The following FAM171B variants were observed in gnomAD, a reference collection of about 807,000 sequenced individuals.
FAM171B encodes the protein family with sequence similarity 171 member B, also known as protein FAM171B.
Under a neutral mutation model 75.6 loss-of-function variants are expected in FAM171B, and 19 were observed. That is an observed-to-expected ratio of 0.25 (90% CI 0.18 to 0.37). The LOEUF (loss-of-function observed/expected upper bound fraction) is 0.37, where lower values mean the gene tolerates loss of function less well. FAM171B is among the 10% of genes least tolerant of loss of function. The pLI, the probability that FAM171B is intolerant of heterozygous loss-of-function variation, is 1.00. For synonymous variants in FAM171B, 367 were observed against 361.7 expected (o/e 1.01, Z -0.17); for missense variants, 848 against 982.4 (o/e 0.86, Z 1.83).
intron 1 of FAM171B, among the ~76,000 whole-genome samples, chr2:186,712,795 T>TA: frequency 6.6e-6 from 1 of 152,248 alleles, no homozygotes. Flanking sequence ...TCACTTTCGT[T>TA]TATTTGTTCA....
chr2:186,762,652 G>A lies in FAM171B; in HGVS notation c.2310G>A (p.Val770=). The A allele has an allele frequency of 6.2e-7, 1 of 1,613,324 alleles. No individual in the cohort carries two copies. The highest frequency in any genetic ancestry group is 8.5e-7 in the Non-Finnish European group (1 of 1,179,668). Residue 770 remains valine (V), a synonymous_variant, in exon 8 of 8, where the codon GTG becomes GTA. Coordinates refer to ENST00000304698, the MANE Select transcript of FAM171B (RefSeq NM_177454.4). The surrounding 1 kb of genome is among the most constrained non-coding windows in gnomAD (Gnocchi z 4.0). ...ACATCCTAGATGGAGGGAGTGGAGT[G>A]ATCATGGAGCACCCTGGAGAAGAGT... The part of the protein sequence containing the change: ...LRHILDGGSG[V]IMEHPGEESP...
At chr2:186,753,434 ACT>A (rs2105790709) in intron 5 of FAM171B, among the ~76,000 whole-genome samples, 1 of 152,358 alleles carries the variant, frequency 6.6e-6, no homozygotes, top group East Asian at 1.9e-4. Flanking sequence ...AAAATTTAGT[ACT>A]TTTTAATTTT....
At chr2:186,724,536 T>C (rs1690002633) in intron 1 of FAM171B, among the ~76,000 whole-genome samples, 1 of 152,202 alleles carries the variant, frequency 6.6e-6, no homozygotes, top group Non-Finnish European at 1.5e-5. Flanking sequence ...AAAGCATAAT[T>C]GTGAGTATAA....
chr2:186,703,979 G>A (rs1299215937), intron 1 of FAM171B, among the ~76,000 whole-genome samples: 1 of 152,102 alleles, frequency 6.6e-6, no homozygotes, highest in African/African-American at 2.4e-5. Flanking sequence ...TGATAAGGGT[G>A]TGTCATGCAA....
At chr2:186,731,322 A>G (rs1362005371) in intron 1 of FAM171B, among the ~76,000 whole-genome samples, 1 of 152,230 alleles carries the variant, frequency 6.6e-6, no homozygotes, top group Non-Finnish European at 1.5e-5. Flanking sequence ...TGCACAACCC[A>G]GCTTCTGGAA....
At position 186,764,729 on chromosome 2, in the gene FAM171B, G is replaced by A. The variant is rs921443457; in HGVS notation, c.*1906G>A. The A allele has an allele frequency of 6.6e-6, 1 of 151,484 alleles. No individual in the cohort carries two copies. The highest frequency in any genetic ancestry group is 6.6e-5 in the Admixed American group (1 of 15,162). The allele number at this position is 151,484 out of a possible 1,614,324, so 9.4% of individuals were successfully genotyped here. A position where few individuals can be genotyped will look rare whatever the true frequency, so the allele number is the denominator to read the frequency against. On this transcript the variant is annotated 3_prime_UTR_variant, in exon 8 of 8. Transcript: ENST00000304698. ...GTTTTATTAAAAATATAGACCTAGTGTTTCATGTTGGAACAATAAATATTG... is the reference window on the plus strand; with the variant it reads ...GTTTTATTAAAAATATAGACCTAGTATTTCATGTTGGAACAATAAATATTG...
chr2:186,725,021 C>A (rs116526642), intron 1 of FAM171B, among the ~76,000 whole-genome samples: 46 of 152,270 alleles, frequency 3.0e-4, no homozygotes, highest in African/African-American at 1.1e-3. Flanking sequence ...TCTTCTTAAC[C>A]TCTTTGTTCT....
At position 186,740,222 on chromosome 2, in the gene FAM171B, C is replaced by T. The variant is rs758229930; in HGVS notation, c.239-6C>T. ...CATGCTGCAATTTCTACCTTTTTCT[C>T]TCCAGTGTCTGTATTTATGTTGAAA... On this transcript the variant is annotated splice_region_variant and splice_polypyrimidine_tract_variant and intron_variant, in intron 1 of 7. Coordinates refer to ENST00000304698, the MANE Select transcript of FAM171B (RefSeq NM_177454.4). 1.6e-5 allele frequency: 26 copies of T among 1,607,640 alleles called. No individual in the cohort carries two copies. The highest frequency in any genetic ancestry group is 1.0e-5 in the Non-Finnish European group (12 of 1,174,732).
Position 186,762,070 on chromosome 2 carries a change from A to C in FAM171B, c.1728A>C (p.Pro576=), listed in dbSNP as rs762497897. The C allele has an allele frequency of 6.2e-7, 1 of 1,613,758 alleles. No individual in the cohort carries two copies. Among genetic ancestry groups the C allele is most frequent in the South Asian group, 1.1e-5 (1 of 91,072 alleles). The part of the protein sequence containing the change: ...GQLVYGQLME[P]VNRENFTQTL... ...TAGTCTATGGCCAATTGATGGAACC[A>C]GTAAATCGAGAGAACTTTACGCAGA... Residue 576 remains proline, a synonymous_variant, in exon 8 of 8, where the codon CCA becomes CCC. Transcript: ENST00000304698. The surrounding 1 kb of genome is among the most constrained non-coding windows in gnomAD (Gnocchi z 4.0).
At chr2:186,702,377 T>C (rs968744653) in intron 1 of FAM171B, among the ~76,000 whole-genome samples, 1 of 152,226 alleles carries the variant, frequency 6.6e-6, no homozygotes, top group Non-Finnish European at 1.5e-5. Context: ...TTGTCATATA[T>C]GTGGTCTGTT....
chr2:186,710,383 C>T (rs919152031), intron 1 of FAM171B, among the ~76,000 whole-genome samples: 1 of 152,188 alleles, frequency 6.6e-6, no homozygotes, highest in African/African-American at 2.4e-5. Flanking sequence ...ATCTGTTTAA[C>T]GAAAGATACT....
intron 1 of FAM171B, among the ~76,000 whole-genome samples, chr2:186,725,430 T>C (rs1690018897): frequency 6.6e-6 from 1 of 152,048 alleles, no homozygotes; most frequent in Admixed American, 6.5e-5. Flanking sequence ...GATAACTCAG[T>C]TTGTGCTGTT....
intron 1 of FAM171B, among the ~76,000 whole-genome samples, chr2:186,731,742 T>C (rs1018165157): frequency 6.6e-6 from 1 of 152,130 alleles, no homozygotes; most frequent in African/African-American, 2.4e-5. Context: ...TCAGTGAAGC[T>C]TCATCTATGT....
intron 1 of FAM171B, among the ~76,000 whole-genome samples, chr2:186,726,424 C>T (rs928542612): frequency 6.6e-6 from 1 of 151,988 alleles, no homozygotes; most frequent in Non-Finnish European, 1.5e-5. Flanking sequence ...CTTGTGTGTC[C>T]ATATTTGAAA....
At chr2:186,697,001 T>TGGAC (rs55792566) in intron 1 of FAM171B, among the ~76,000 whole-genome samples, 1 of 74,194 alleles carries the variant, frequency 1.3e-5, no homozygotes, top group African/African-American at 3.8e-5. Flanking sequence ...GTTGAATGGA[T>TGGAC]GGACGGATGG....
intron 2 of FAM171B, among the ~76,000 whole-genome samples, chr2:186,741,093 G>A (rs1690282564): frequency 6.6e-6 from 1 of 151,918 alleles, no homozygotes; most frequent in Non-Finnish European, 1.5e-5. Context: ...GGTACAAATT[G>A]GACACTTAGT....
intron 1 of FAM171B, among the ~76,000 whole-genome samples, chr2:186,698,540 G>A (rs957754525): frequency 1.3e-5 from 2 of 151,990 alleles, no homozygotes; most frequent in Non-Finnish European, 2.9e-5. Context: ...GAACACAGTA[G>A]GTGTATATAT....
intron 1 of FAM171B, among the ~76,000 whole-genome samples, chr2:186,706,846 CAAAT>C (rs1044619208): frequency 6.6e-6 from 1 of 151,950 alleles, no homozygotes; most frequent in African/African-American, 2.4e-5. Flanking sequence ...GTCTATAACT[CAAAT>C]AATTTGTTCT....
chr2:186,704,132 AT>A (rs1349504763), intron 1 of FAM171B, among the ~76,000 whole-genome samples: 2 of 152,138 alleles, frequency 1.3e-5, no homozygotes, highest in Non-Finnish European at 2.9e-5. Flanking sequence ...CCTGAAGTAT[AT>A]TTTTCAATAT....
Sources: allele counts gnomAD v4.1 joint callset (sites outside exome capture counted in the v4.1 genomes callset), GRCh38; gene constraint gnomAD v4.1.1; non-coding constraint Gnocchi (gnomAD v3.1); transcripts MANE v1.5; gene names NCBI Gene and HGNC (gene_info 2026-07-23, HGNC 2026-07-21).